Variants in CTNNA3 observed in about 807,000 individuals in gnomAD.
The protein encoded by CTNNA3 is catenin alpha-3.
In CTNNA3, 76 loss-of-function variants were observed where a neutral mutation model predicts 95.7. That is an observed-to-expected ratio of 0.79 (90% CI 0.66 to 0.96). CTNNA3 has a LOEUF of 0.96. CTNNA3 is among the 40% of genes least tolerant of loss of function. The pLI is 0.00. For missense variants in CTNNA3, 1,191 were observed against 1,089.8 expected, an observed-to-expected ratio of 1.09 and a Z score of -1.31; for synonymous variants, 431 against 374.4, an observed-to-expected ratio of 1.15 and a Z score of -1.74.
At chr10:67,566,073 A>ATATATATATATATATATATATATATAT (rs71006152) in intron 3 of CTNNA3, among the ~76,000 whole-genome samples, 2 of 106,174 alleles carry the variant, frequency 1.9e-5, no homozygotes, top group Admixed American at 1.0e-4. Flanking sequence ...ATATATATAT[A>ATATATATATATATATATATATATATAT]CAAAACCTAG....
chr10:67,588,734 T>G (rs1368339829), intron 3 of CTNNA3, among the ~76,000 whole-genome samples: 1 of 152,128 alleles, frequency 6.6e-6, no homozygotes, highest in Non-Finnish European at 1.5e-5. Flanking sequence ...TATCCACTTA[T>G]AAGTTAAGGA....
intron 7 of CTNNA3, among the ~76,000 whole-genome samples, chr10:67,142,091 T>C (rs1860595557): frequency 1.3e-5 from 2 of 152,186 alleles, no homozygotes; most frequent in South Asian, 4.1e-4. Flanking sequence ...TTCAACAAAA[T>C]TTTCTTTATG....
intron 15 of CTNNA3, among the ~76,000 whole-genome samples, chr10:65,996,156 G>A (rs1430944332): frequency 2.0e-5 from 3 of 152,182 alleles, no homozygotes; most frequent in African/African-American, 7.2e-5. Context: ...ACGCTTCAGT[G>A]TCCAGAATTG....
intron 17 of CTNNA3, among the ~76,000 whole-genome samples, chr10:65,926,732 T>TC (rs2077174444): frequency 6.6e-6 from 1 of 152,184 alleles, no homozygotes; most frequent in African/African-American, 2.4e-5. Context: ...TGCCTTGGCC[T>TC]CCCAAAGTGC....
chr10:67,110,854 T>G (rs1183603746), intron 7 of CTNNA3, among the ~76,000 whole-genome samples: 5 of 152,066 alleles, frequency 3.3e-5, no homozygotes, highest in African/African-American at 1.2e-4. Flanking sequence ...AGAGAAGAAA[T>G]AGATTAAAAA....
chr10:67,447,693 T>C (rs1846807944), intron 5 of CTNNA3, among the ~76,000 whole-genome samples: 1 of 152,168 alleles, frequency 6.6e-6, no homozygotes, highest in Non-Finnish European at 1.5e-5. Context: ...GGTCATCACA[T>C]TTCTACTTTA....
chr10:66,883,660 A>T (rs1403754580), intron 7 of CTNNA3, among the ~76,000 whole-genome samples: 1 of 152,158 alleles, frequency 6.6e-6, no homozygotes. Context: ...AAAGTCCTTA[A>T]TTATTAAATG....
At chr10:65,990,772 A>G (rs2078529949) in intron 15 of CTNNA3, among the ~76,000 whole-genome samples, 1 of 151,896 alleles carries the variant, frequency 6.6e-6, no homozygotes, top group African/African-American at 2.4e-5. Flanking sequence ...TTAGTTTAAT[A>G]TAGTCCCATT....
chr10:67,438,231 G>T (rs780198056), intron 5 of CTNNA3, among the ~76,000 whole-genome samples: 1 of 152,126 alleles, frequency 6.6e-6, no homozygotes, highest in Non-Finnish European at 1.5e-5. Flanking sequence ...AAGAAAAATT[G>T]TATGTCAACA....
chr10:66,176,432 C>T (rs1416085743), intron 13 of CTNNA3, among the ~76,000 whole-genome samples: 1 of 151,938 alleles, frequency 6.6e-6, no homozygotes, highest in Non-Finnish European at 1.5e-5. Context: ...GATGCTCTTA[C>T]ATAAAAGGAA....
chr10:67,499,894 A>C (rs1839172827), intron 5 of CTNNA3, among the ~76,000 whole-genome samples: 1 of 152,038 alleles, frequency 6.6e-6, no homozygotes, highest in Non-Finnish European at 1.5e-5. Flanking sequence ...TCCTGGATTC[A>C]TTGATTTTTG....
chr10:66,815,261 G>A (rs1338462858), intron 7 of CTNNA3, among the ~76,000 whole-genome samples: 1 of 152,038 alleles, frequency 6.6e-6, no homozygotes, highest in Non-Finnish European at 1.5e-5. Context: ...TAGAAAAACG[G>A]TTGAATTTCA....
intron 5 of CTNNA3, among the ~76,000 whole-genome samples, chr10:67,466,907 A>G (rs1457950615): frequency 6.6e-6 from 1 of 152,314 alleles, no homozygotes; most frequent in East Asian, 1.9e-4. Context: ...GGTAGCAATC[A>G]ATAGATGCTC....
At chr10:67,397,522 G>C (rs1213038373) in intron 5 of CTNNA3, among the ~76,000 whole-genome samples, 1 of 152,182 alleles carries the variant, frequency 6.6e-6, no homozygotes, top group Non-Finnish European at 1.5e-5. Context: ...GAGCATAAAA[G>C]TTCGGAAAAT....
At chr10:66,394,483 A>C (rs1251991640) in intron 11 of CTNNA3, among the ~76,000 whole-genome samples, 1 of 150,922 alleles carries the variant, frequency 6.6e-6, no homozygotes, top group Non-Finnish European at 1.5e-5. Context: ...TTTTCATGTT[A>C]ATTGTCCCAT....
At chr10:67,226,814 A>T in intron 5 of CTNNA3, among the ~76,000 whole-genome samples, 1 of 152,172 alleles carries the variant, frequency 6.6e-6, no homozygotes, top group East Asian at 1.9e-4. Context: ...ACAAAACTAC[A>T]AGTTAAAAAG....
intron 7 of CTNNA3, among the ~76,000 whole-genome samples, chr10:66,943,335 AT>A (rs150723820): frequency 1.3e-5 from 2 of 151,332 alleles, no homozygotes; most frequent in East Asian, 1.9e-4. Context: ...ATCTTATTAG[AT>A]TTTTTTTTAC....
chr10:67,443,731 T>C (rs1268264782), intron 5 of CTNNA3, among the ~76,000 whole-genome samples: 1 of 152,178 alleles, frequency 6.6e-6, no homozygotes, highest in Non-Finnish European at 1.5e-5. Flanking sequence ...GAAAATTTTC[T>C]CCCATTTTGT....
chr10:67,605,742 G>A (rs1843251698), intron 3 of CTNNA3, among the ~76,000 whole-genome samples: 1 of 149,998 alleles, frequency 6.7e-6, no homozygotes, highest in African/African-American at 2.5e-5. Context: ...ACAATGGTGT[G>A]ATCTCGGCTC....
Sources: gnomAD v4.1 joint callset for allele counts (sites outside exome capture counted in the v4.1 genomes callset) on GRCh38, gnomAD v4.1.1 for gene constraint, MANE v1.5 for transcripts, NCBI Gene and HGNC (gene_info 2026-07-23, HGNC 2026-07-21) for gene names.